Variants in PTPRD observed in about 807,000 individuals in gnomAD.
PTPRD encodes receptor-type tyrosine-protein phosphatase delta.
PTPRD carries 34 observed loss-of-function variants against 214.5 expected under a neutral mutation model. That is an observed-to-expected ratio of 0.16 (90% CI 0.12 to 0.21). PTPRD has a LOEUF of 0.21. Among genes scored for constraint, PTPRD ranks in the 10% least tolerant of loss-of-function variants. The pLI, the probability that PTPRD is intolerant of heterozygous loss-of-function variation, is 1.00. For synonymous variants in PTPRD, 1,128 were observed against 845.7 expected, an observed-to-expected ratio of 1.33 and a Z score of -5.79; for missense variants, 2,545 against 2,398.7, an observed-to-expected ratio of 1.06 and a Z score of -1.27.
intron 9 of PTPRD, among the ~76,000 whole-genome samples, chr9:9,377,442 A>G (rs2061086912): frequency 6.6e-6 from 1 of 151,928 alleles, no homozygotes. Flanking sequence ...AAATAATAAT[A>G]TTAATTTGTT....
intron 3 of PTPRD, among the ~76,000 whole-genome samples, chr9:10,299,358 A>T (rs2095792218): frequency 1.3e-5 from 2 of 152,148 alleles, no homozygotes; most frequent in Admixed American, 1.3e-4. Context: ...AATGAATATG[A>T]CAAAGAACTT....
intron 3 of PTPRD, among the ~76,000 whole-genome samples, chr9:10,298,437 A>G (rs1463158985): frequency 6.6e-6 from 1 of 152,144 alleles, no homozygotes; most frequent in African/African-American, 2.4e-5. Context: ...TAACGATAAA[A>G]GAATATGTTA....
At chr9:8,906,555 G>C (rs925959852) in intron 11 of PTPRD, among the ~76,000 whole-genome samples, 1 of 152,130 alleles carries the variant, frequency 6.6e-6, no homozygotes, top group African/African-American at 2.4e-5. Context: ...TAAAAATTAA[G>C]ACATCATCCT....
chr9:9,585,132 A>T (rs542886229), intron 7 of PTPRD, among the ~76,000 whole-genome samples: 1,641 of 152,136 alleles, frequency 0.011, 16 homozygotes, highest in Non-Finnish European at 0.016. Context: ...TTATGTTCTC[A>T]TGATTACATC....
chr9:8,402,762 A>G (rs1255243915), intron 36 of PTPRD, among the ~76,000 whole-genome samples: 1 of 152,112 alleles, frequency 6.6e-6, no homozygotes, highest in Admixed American at 6.6e-5. Context: ...TCATCCACAT[A>G]TGTTAATTAC....
chr9:9,910,612 T>C (rs1176423907), intron 5 of PTPRD, among the ~76,000 whole-genome samples: 2 of 152,096 alleles, frequency 1.3e-5, no homozygotes, highest in Non-Finnish European at 2.9e-5. Flanking sequence ...CTTCAATTTA[T>C]ATTTAATTGC....
At chr9:9,352,927 T>C (rs968767885) in intron 9 of PTPRD, among the ~76,000 whole-genome samples, 1 of 152,002 alleles carries the variant, frequency 6.6e-6, no homozygotes, top group Admixed American at 6.6e-5. Flanking sequence ...AAATTTATAA[T>C]AACTCTAATG....
chr9:10,332,344 G>C (rs2096766455), intron 3 of PTPRD, among the ~76,000 whole-genome samples: 2 of 151,842 alleles, frequency 1.3e-5, no homozygotes, highest in Non-Finnish European at 1.5e-5. Flanking sequence ...GGAGAGCAAA[G>C]AGGCTTGACA....
intron 2 of PTPRD, among the ~76,000 whole-genome samples, chr9:10,533,134 G>A (rs2056860044): frequency 6.6e-6 from 1 of 152,028 alleles, no homozygotes; most frequent in South Asian, 2.1e-4. Context: ...TCTCCTACAT[G>A]ATCTCTTTGC....
At chr9:8,800,962 G>C (rs1193319698) in intron 11 of PTPRD, among the ~76,000 whole-genome samples, 3 of 152,170 alleles carry the variant, frequency 2.0e-5, no homozygotes, top group African/African-American at 4.8e-5. Flanking sequence ...TCCTGGATTT[G>C]AACATCAATG....
At chr9:10,285,802 G>T (rs553191573) in intron 3 of PTPRD, among the ~76,000 whole-genome samples, 1 of 151,884 alleles carries the variant, frequency 6.6e-6, no homozygotes, top group Non-Finnish European at 1.5e-5. Flanking sequence ...AGTAGAGACC[G>T]GTTTCACCGT....
intron 8 of PTPRD, among the ~76,000 whole-genome samples, chr9:9,402,517 C>G (rs2071067965): frequency 6.6e-6 from 1 of 152,006 alleles, no homozygotes; most frequent in South Asian, 2.1e-4. Context: ...ACAGAGGACA[C>G]TTAGGATTTA....
At chr9:10,341,908 T>G (rs951921594) in intron 2 of PTPRD, among the ~76,000 whole-genome samples, 14 of 151,976 alleles carry the variant, frequency 9.2e-5, no homozygotes, top group African/African-American at 3.4e-4. Context: ...TAAGCAATCT[T>G]AGCAACTCAA....
intron 43 of PTPRD, among the ~76,000 whole-genome samples, chr9:8,332,600 G>T (rs570792154): frequency 1.6e-4 from 25 of 152,252 alleles, no homozygotes; most frequent in Non-Finnish European, 3.1e-4. Flanking sequence ...AGGTAAAACT[G>T]CTCTGACTCA....
intron 10 of PTPRD, among the ~76,000 whole-genome samples, chr9:9,164,583 C>G (rs181259486): frequency 2.5e-3 from 376 of 151,346 alleles, no homozygotes; most frequent in Non-Finnish European, 3.2e-3. Context: ...GTTTGTTTTT[C>G]CTATTACAGA....
rs1332815022 is a variant in PTPRD, at chr9:8,985,984, T to C, written c.-104+32713A>G. On this transcript the variant is annotated intron_variant, in intron 11 of 45. Transcript: ENST00000381196. Reference sequence around the variant, plus strand: ...TATTTCTTTCAATCTACTGTGTTCATCAAATATTAGCTATAAAAGCTTTTT... The same window carrying C: ...TATTTCTTTCAATCTACTGTGTTCACCAAATATTAGCTATAAAAGCTTTTT... 2.6e-5 allele frequency among the ~76,000 whole-genome samples: 4 copies of C among 152,114 alleles called. No individual in the cohort carries two copies. In the East Asian group the frequency reaches 5.8e-4, roughly 22 times the overall value.
intron 11 of PTPRD, among the ~76,000 whole-genome samples, chr9:8,859,306 T>A (rs2098043316): frequency 6.6e-6 from 1 of 152,222 alleles, no homozygotes; most frequent in Admixed American, 6.5e-5. Context: ...TATGCACTCT[T>A]CATCCACACA....
intron 8 of PTPRD, among the ~76,000 whole-genome samples, chr9:9,444,947 G>C (rs1588616302): frequency 6.6e-6 from 1 of 152,050 alleles, no homozygotes; most frequent in Admixed American, 6.6e-5. Context: ...CATTTGACCA[G>C]TTTTAACCTA....
chr9:8,753,784 G>A lies in PTPRD; in HGVS notation c.-103-19838C>T, dbSNP rs1193302367. Among the ~76,000 whole-genome samples the A allele has an allele frequency of 2.0e-5, 3 of 152,130 alleles. No individual in the cohort carries two copies. In the East Asian group the frequency reaches 5.8e-4, roughly 29 times the overall value. On this transcript the variant is annotated intron_variant, in intron 11 of 45. Transcript: ENST00000381196. The stretch of plus-strand genomic sequence containing the variant: ...AGATTTCTATGCAGAAAATTAGATA[G>A]CATGATCAATAAATTAAAGAAGACT...
Sources: gnomAD v4.1 joint callset for allele counts (sites outside exome capture counted in the v4.1 genomes callset) on GRCh38, gnomAD v4.1.1 for gene constraint, MANE v1.5 for transcripts, NCBI Gene and HGNC (gene_info 2026-07-23, HGNC 2026-07-21) for gene names.